ABCC1: variants seen among roughly 807,000 people sequenced by gnomAD.
The protein encoded by ABCC1 is multidrug resistance-associated protein 1.
ABCC1 carries 83 observed loss-of-function variants against 172.9 expected under a neutral mutation model. The observed-to-expected ratio is 0.48, with a 90% CI of 0.40 to 0.58. The LOEUF is 0.58. ABCC1 is among the 20% of genes least tolerant of loss of function. The pLI, the probability that ABCC1 is intolerant of heterozygous loss-of-function variation, is 0.00. For synonymous variants in ABCC1, 937 were observed against 825.2 expected (o/e 1.14, Z -2.32); for missense variants, 1,817 against 2,002.7 (o/e 0.91, Z 1.77).
At chr16:16,037,590 A>G (rs975017420) in intron 7 of ABCC1, among the ~76,000 whole-genome samples, 1 of 152,218 alleles carries the variant, frequency 6.6e-6, no homozygotes, top group Non-Finnish European at 1.5e-5. Flanking sequence ...GATTGCGGCC[A>G]TGGGGGTAGT....
intron 12 of ABCC1, among the ~76,000 whole-genome samples, chr16:16,056,970 C>T (rs1179978085): frequency 6.6e-6 from 1 of 151,960 alleles, no homozygotes; most frequent in African/African-American, 2.4e-5. Flanking sequence ...ATTTTGTCAC[C>T]AACTGGTCAC....
At chr16:15,959,154 G>A (rs925865406) in intron 1 of ABCC1, among the ~76,000 whole-genome samples, 2 of 152,104 alleles carry the variant, frequency 1.3e-5, no homozygotes, top group Non-Finnish European at 2.9e-5. Flanking sequence ...GGTTGCCTTG[G>A]AGAAGCTTAA....
intron 1 of ABCC1, among the ~76,000 whole-genome samples, chr16:15,970,083 G>C (rs28377922): frequency 0.014 from 2,123 of 152,268 alleles, 41 homozygotes; most frequent in South Asian, 0.05. Flanking sequence ...TGGGGAACCC[G>C]TTTGATGATA....
intron 28 of ABCC1, 51 bp from the exon 29 acceptor site, chr16:16,136,427 G>A (rs1314237242): frequency 1.3e-6 from 2 of 1,597,984 alleles, no homozygotes; most frequent in Admixed American, 3.4e-5. Flanking sequence ...CTCCATCCAT[G>A]TCAGCGTGAC....
chr16:15,968,724 CAT>C (rs1022081311), intron 1 of ABCC1, among the ~76,000 whole-genome samples: 5 of 151,920 alleles, frequency 3.3e-5, no homozygotes, highest in African/African-American at 1.2e-4. Flanking sequence ...TCTACAAAAA[CAT>C]ATATATGTGT....
rs541456330 is a variant in ABCC1 at position 15,953,797 on chromosome 16, C to T, written c.48+3998C>T. On this transcript the variant is annotated intron_variant, in intron 1 of 30. Coordinates refer to ENST00000399410, the MANE Select transcript of ABCC1 (RefSeq NM_004996.4). ...TAACCCCCTGAATATCTGACTTAGCCGCCAAGGAAGAATATCTTAGAAGCT... is the reference window on the plus strand; with the variant it reads ...TAACCCCCTGAATATCTGACTTAGCTGCCAAGGAAGAATATCTTAGAAGCT... 2.2e-4 allele frequency among the ~76,000 whole-genome samples: 33 copies of T among 152,180 alleles called. 1 individual carries two copies. The South Asian group carries it at 5.0e-3, about 23-fold the overall frequency.
intron 17 of ABCC1, among the ~76,000 whole-genome samples, chr16:16,083,959 A>G (rs979141284): frequency 2.4e-4 from 36 of 152,212 alleles, no homozygotes; most frequent in Non-Finnish European, 1.3e-4. Context: ...CTGCAGAGTC[A>G]CATGACAGAG....
At position 16,076,308 on chromosome 16, in the gene ABCC1, T is replaced by C. The variant is rs1208055314; in HGVS notation, c.1913-18T>C. The C allele has an allele frequency of 1.2e-6, 2 of 1,612,094 alleles. No homozygotes were observed. The highest frequency in any genetic ancestry group is 1.7e-6 in the Non-Finnish European group (2 of 1,179,084). ...CGCACAGCTCAGCCTGTCCCTGACA[T>C]GTCTCTGTGCTTTGTAGGCGGGGGC... On this transcript the variant is annotated intron_variant, in intron 14 of 30. Coordinates refer to ENST00000399410, the MANE Select transcript of ABCC1 (RefSeq NM_004996.4).
intron 23 of ABCC1, among the ~76,000 whole-genome samples, chr16:16,121,709 C>G (rs1424962255): frequency 1.3e-5 from 2 of 152,178 alleles, no homozygotes; most frequent in Middle Eastern, 3.2e-3. Context: ...ATTGAATGAA[C>G]TGATGTTTGT....
intron 24 of ABCC1, 77 bp downstream of exon 24, chr16:16,122,251 C>A (rs148275446): frequency 2.0e-6 from 3 of 1,523,782 alleles, no homozygotes; most frequent in South Asian, 2.3e-5. Context: ...ATCTTTTCCT[C>A]GCACCTTGAG....
chr16:15,999,796 TCTCTCTCTCTCTC>T (rs2047195554), intron 1 of ABCC1, among the ~76,000 whole-genome samples: 2 of 32,898 alleles, frequency 6.1e-5, no homozygotes, highest in South Asian at 5.8e-4. Flanking sequence ...TCTCTCTCTC[TCTCTCTCTCTCTC>T]CTCTCTCTCT....
rs139211749 is a variant in ABCC1, at chr16:16,138,239, T to A, written c.4293-125T>A. The stretch of plus-strand genomic sequence containing the variant: ...CTGCTGCAGACACAGATGTTGGGAG[T>A]GGACATGCTTTCCTGGTCAAGCAAC... On this transcript the variant is annotated intron_variant, in intron 29 of 30. Coordinates refer to ENST00000399410, the MANE Select transcript of ABCC1 (RefSeq NM_004996.4). 465 of 767,320 alleles carry A rather than the reference T, an allele frequency of 6.1e-4. 10 individuals carry two copies. In the East Asian group the frequency reaches 0.012, roughly 20 times the overall value. The allele number at this position is 767,320 out of a possible 1,614,324, so 47.5% of individuals were successfully genotyped here.
intron 20 of ABCC1, 112 bp from the exon 21 acceptor site, chr16:16,106,626 A>C: frequency 1.5e-6 from 2 of 1,331,082 alleles, no homozygotes. Context: ...ATGTGGAAAC[A>C]CTCCGTCTCT....
chr16:16,132,510 GTTTTTTTTTTTTTT>G lies in ABCC1; in HGVS notation c.3966+591_3966+604del, dbSNP rs71137915. Reference sequence around the variant, plus strand: ...TTCTTTTTTTGTTTTTTGGTTGGTTGTTTTTTTTTTTTTTTTTTTTTTTTTTTTTGAGATGGAGT... The same window carrying G: ...TTCTTTTTTTGTTTTTTGGTTGGTTGTTTTTTTTTTTTTTTGAGATGGAGT... On this transcript the variant is annotated intron_variant, in intron 27 of 30. Coordinates refer to ENST00000399410, the MANE Select transcript of ABCC1 (RefSeq NM_004996.4). Among the ~76,000 whole-genome samples the G allele has an allele frequency of 4.8e-4, 18 of 37,298 alleles. 1 individual carries two copies. The highest frequency in any genetic ancestry group is 6.5e-4 in the Non-Finnish European group (13 of 20,114). The allele number at this position is 37,298 out of a possible 152,430, so 24.5% of individuals were successfully genotyped here.
intron 14 of ABCC1, among the ~76,000 whole-genome samples, chr16:16,075,715 C>T (rs1186500694): frequency 6.6e-6 from 1 of 152,224 alleles, no homozygotes; most frequent in Non-Finnish European, 1.5e-5. Flanking sequence ...ACCACACTTC[C>T]TGTTCCGTAT....
rs369567308 is a variant in ABCC1, at chr16:16,098,933, G to A, written c.2645-3694G>A. 4.4e-6 allele frequency: 6 copies of A among 1,350,856 alleles called. No individual in the cohort carries two copies. In the African/African-American group the frequency reaches 8.9e-5, roughly 20 times the overall value. 83.7% of individuals were successfully genotyped at this position (1,350,856 alleles called of 1,614,324 possible). On this transcript the variant is annotated intron_variant, in intron 19 of 30. Coordinates refer to ENST00000399410, the MANE Select transcript of ABCC1 (RefSeq NM_004996.4). ...TACTGCCCGGGTTGGAGTTGGCTTG[G>A]CTCATAGAATGAGGCCAGAGACGGG...
At chr16:16,048,982 TC>T (rs144781096) in intron 10 of ABCC1, among the ~76,000 whole-genome samples, 20,323 of 147,324 alleles carry the variant, frequency 0.14, 1,422 homozygotes, top group Admixed American at 0.16. Context: ...AAACTCCAAT[TC>T]CAAAAAAAAA....
intron 1 of ABCC1, among the ~76,000 whole-genome samples, chr16:15,986,416 G>A (rs899148371): frequency 2.0e-5 from 3 of 152,138 alleles, no homozygotes; most frequent in Non-Finnish European, 4.4e-5. Flanking sequence ...GCTGAGTGGC[G>A]GGCAAGCCAG....
At chr16:16,128,050 A>G (rs2045514983) in intron 26 of ABCC1, among the ~76,000 whole-genome samples, 1 of 149,736 alleles carries the variant, frequency 6.7e-6, no homozygotes, top group African/African-American at 2.5e-5. Flanking sequence ...CCTCCCAATT[A>G]GCTGGGATTA....
Sources: gnomAD v4.1 joint callset for allele counts (sites outside exome capture counted in the v4.1 genomes callset) on GRCh38, gnomAD v4.1.1 for gene constraint, MANE v1.5 for transcripts, NCBI Gene and HGNC (gene_info 2026-07-23, HGNC 2026-07-21) for gene names.